Variants in SOS2 observed in about 807,000 individuals in gnomAD.
SOS2 encodes SOS Ras/Rho guanine nucleotide exchange factor 2, also known as son of sevenless homolog 2.
SOS2 carries 65 observed loss-of-function variants against 148.2 expected under a neutral mutation model. The observed-to-expected ratio is 0.44, with a 90% CI of 0.36 to 0.54. The LOEUF (loss-of-function observed/expected upper bound fraction) is 0.54, where lower values mean the gene tolerates loss of function less well. Among genes scored for constraint, SOS2 ranks in the 20% least tolerant of loss-of-function variants. SOS2 has a pLI of 0.00. For synonymous variants in SOS2, 539 were observed against 537.1 expected, an observed-to-expected ratio of 1.00 and a Z score of -0.05; for missense variants, 1,341 against 1,590.2, an observed-to-expected ratio of 0.84 and a Z score of 2.67.
chr14:50,227,762 T>C (rs1304664679), intron 1 of SOS2, among the ~76,000 whole-genome samples: 1 of 152,166 alleles, frequency 6.6e-6, no homozygotes, highest in Admixed American at 6.5e-5. Context: ...ATACTTGAGA[T>C]TGGTTTTTTA....
At chr14:50,155,028 G>C (rs1884770984) in intron 12 of SOS2, among the ~76,000 whole-genome samples, 1 of 151,002 alleles carries the variant, frequency 6.6e-6, no homozygotes, top group Non-Finnish European at 1.5e-5. Context: ...ACAAGTTGAA[G>C]TATTTAAGGA....
chr14:50,223,452 G>A (rs1262026984), intron 1 of SOS2, among the ~76,000 whole-genome samples: 2 of 151,858 alleles, frequency 1.3e-5, no homozygotes, highest in African/African-American at 4.8e-5. Context: ...GGGCGGGCAG[G>A]TGACGAGGTC....
chr14:50,213,941 G>A (rs1309086523), intron 1 of SOS2, among the ~76,000 whole-genome samples: 1 of 150,432 alleles, frequency 6.6e-6, no homozygotes, highest in Non-Finnish European at 1.5e-5. Context: ...TACCCTCCGT[G>A]GTAGGAAGTC....
chr14:50,217,909 C>T (rs150096857), intron 1 of SOS2, among the ~76,000 whole-genome samples: 3,150 of 151,654 alleles, frequency 0.021, 73 homozygotes, highest in Non-Finnish European at 0.026. Flanking sequence ...GAATCGAGAT[C>T]GTGCCACTGC....
chr14:50,201,767 G>T (rs560703364), intron 2 of SOS2, among the ~76,000 whole-genome samples: 1 of 152,314 alleles, frequency 6.6e-6, no homozygotes, highest in South Asian at 2.1e-4. Context: ...TAGCAGAGCA[G>T]AAATTGTTCA....
At chr14:50,135,913 C>T (rs1022440233) in intron 18 of SOS2, among the ~76,000 whole-genome samples, 9 of 151,406 alleles carry the variant, frequency 5.9e-5, no homozygotes, top group African/African-American at 2.2e-4. Context: ...TTTATGATTT[C>T]CTTAGAAAAA....
At chr14:50,191,832 T>C (rs945441727) in intron 4 of SOS2, among the ~76,000 whole-genome samples, 2 of 152,014 alleles carry the variant, frequency 1.3e-5, no homozygotes, top group Non-Finnish European at 2.9e-5. Context: ...AATTTTTAGA[T>C]CTGTAAATAT....
intron 1 of SOS2, among the ~76,000 whole-genome samples, chr14:50,228,033 G>A (rs1887431750): frequency 6.7e-6 from 1 of 148,984 alleles, no homozygotes; most frequent in Admixed American, 6.7e-5. Flanking sequence ...AGCAGATAGA[G>A]ATGCAAGTAA....
intron 8 of SOS2, among the ~76,000 whole-genome samples, chr14:50,169,718 T>C (rs1295118374): frequency 6.6e-6 from 1 of 152,170 alleles, no homozygotes; most frequent in Non-Finnish European, 1.5e-5. Context: ...TGGAATAATG[T>C]TATATTATTG....
chr14:50,130,092 G>T, intron 20 of SOS2, 90 bp from the exon 21 acceptor site: 1 of 760,144 alleles, frequency 1.3e-6, no homozygotes, highest in Non-Finnish European at 2.2e-6. Flanking sequence ...GTAATACACA[G>T]TGCAGAATTT....
intron 6 of SOS2, among the ~76,000 whole-genome samples, chr14:50,182,002 A>AC (rs1479200740): frequency 2.0e-5 from 3 of 151,694 alleles, no homozygotes; most frequent in Admixed American, 2.0e-4. Flanking sequence ...TAAAAAAAAA[A>AC]AAAAAACCTA....
chr14:50,134,661 A>G (rs1462190447), intron 18 of SOS2, among the ~76,000 whole-genome samples: 1 of 152,218 alleles, frequency 6.6e-6, no homozygotes, highest in Non-Finnish European at 1.5e-5. Flanking sequence ...AAAAGTGGAG[A>G]TAAATTAGAT....
chr14:50,165,131 A>G (rs780125496), intron 8 of SOS2, among the ~76,000 whole-genome samples: 4 of 152,198 alleles, frequency 2.6e-5, no homozygotes, highest in South Asian at 2.1e-4. Context: ...TATTTCTCAT[A>G]GCTCATCTTA....
intron 21 of SOS2, among the ~76,000 whole-genome samples, chr14:50,125,528 CAGGA>C (rs1883652603): frequency 6.6e-6 from 1 of 152,040 alleles, no homozygotes; most frequent in Admixed American, 6.6e-5. Flanking sequence ...TCAATAAAGC[CAGGA>C]AATATATGAA....
At position 50,125,405 on chromosome 14, in the gene SOS2, CT is replaced by C. The variant is rs1430055719; in HGVS notation, c.3379+4555del. Among the ~76,000 whole-genome samples the C allele has an allele frequency of 2.0e-5, 3 of 152,272 alleles. No homozygotes were observed. The East Asian group carries it at 5.8e-4, about 29-fold the overall frequency. On this transcript the variant is annotated intron_variant, in intron 21 of 22. Transcript: ENST00000216373. ...AGAACTGTGGGACAATACATTTTTG[CT>C]CTTTTAAGCTACTCAGTTTGTGGTG... is the stretch of plus-strand genomic sequence containing the variant.
intron 7 of SOS2, among the ~76,000 whole-genome samples, chr14:50,177,815 T>C (rs1885574038): frequency 6.6e-6 from 1 of 152,130 alleles, no homozygotes; most frequent in Admixed American, 6.5e-5. Flanking sequence ...AAGTTCAGTT[T>C]TAAACATGTC....
At chr14:50,162,436 T>A (rs1371730039) in intron 8 of SOS2, among the ~76,000 whole-genome samples, 5 of 152,188 alleles carry the variant, frequency 3.3e-5, no homozygotes, top group Non-Finnish European at 4.4e-5. Flanking sequence ...CCAGGCCACA[T>A]TTTCCAAACA....
intron 18 of SOS2, among the ~76,000 whole-genome samples, chr14:50,135,914 C>A (rs1884064380): frequency 6.6e-6 from 1 of 151,240 alleles, no homozygotes; most frequent in Non-Finnish European, 1.5e-5. Flanking sequence ...TTATGATTTC[C>A]TTAGAAAAAT....
At chr14:50,200,684 TA>T (rs555057450) in intron 3 of SOS2, among the ~76,000 whole-genome samples, 169 of 141,416 alleles carry the variant, frequency 1.2e-3, no homozygotes, top group Middle Eastern at 3.5e-3. Flanking sequence ...TGTCTCTACT[TA>T]AAAAAAAAAA....
Sources: allele counts gnomAD v4.1 joint callset (sites outside exome capture counted in the v4.1 genomes callset), GRCh38; gene constraint gnomAD v4.1.1; transcripts MANE v1.5; gene names NCBI Gene and HGNC (gene_info 2026-07-23, HGNC 2026-07-21).